TCEA1: variants seen among roughly 807,000 people sequenced by gnomAD.
TCEA1 encodes the protein transcription elongation factor A1.
Under a neutral mutation model 43.8 loss-of-function variants are expected in TCEA1, and 21 were observed. The ratio of observed to expected loss-of-function variants is 0.48; its 90% CI spans 0.34 to 0.69. The LOEUF (loss-of-function observed/expected upper bound fraction) is 0.69, where lower values mean the gene tolerates loss of function less well. TCEA1 is among the 30% of genes least tolerant of loss of function. The probability of loss-of-function intolerance (pLI) is 0.01; values close to 1 mark genes in which losing one functional copy is unlikely to be tolerated. For missense variants in TCEA1, 250 were observed against 365.1 expected (o/e 0.68, Z 2.57); for synonymous variants, 104 against 117.5 (o/e 0.88, Z 0.75).
intron 7 of TCEA1, among the ~76,000 whole-genome samples, chr8:53,982,613 CAAAAA>C (rs558788906): frequency 0.012 from 670 of 57,806 alleles, 5 homozygotes; most frequent in African/African-American, 0.034. Flanking sequence ...CATTCCCCAC[CAAAAA>C]AAAAAAAAAA....
chr8:54,004,808 A>C (rs1347959313), intron 2 of TCEA1, among the ~76,000 whole-genome samples: 1 of 151,682 alleles, frequency 6.6e-6, no homozygotes, highest in Non-Finnish European at 1.5e-5. Flanking sequence ...ACATACAGCT[A>C]CGTTTACTAT....
chr8:53,977,405 C>T (rs572276724), intron 8 of TCEA1, among the ~76,000 whole-genome samples: 16 of 152,250 alleles, frequency 1.1e-4, no homozygotes, highest in African/African-American at 3.9e-4. Flanking sequence ...GCTTTACTTT[C>T]AGGGAGGGAG....
chr8:53,993,899 T>C lies in TCEA1; in HGVS notation c.233-144A>G, dbSNP rs1678159165. 3 of 655,132 alleles carry C rather than the reference T, an allele frequency of 4.6e-6. No individual in the cohort carries two copies. In the East Asian group the frequency reaches 7.8e-5, roughly 17 times the overall value. 40.6% of individuals were successfully genotyped at this position (655,132 alleles called of 1,614,324 possible). On this transcript the variant is annotated intron_variant, in intron 3 of 9. Transcript: ENST00000521604. The stretch of plus-strand genomic sequence containing the variant: ...GAAGTTTGCATAAGCTATTAGCATA[T>C]GTACTATTTTTCACAATGCAAGTTC...
intron 2 of TCEA1, chr8:54,009,733 G>A (rs975120860): frequency 6.6e-6 from 1 of 152,182 alleles, no homozygotes; most frequent in Non-Finnish European, 1.5e-5. Flanking sequence ...TTAGATAGAA[G>A]GAATAAGTTC....
At chr8:54,008,498 A>T (rs1334612526) in intron 2 of TCEA1, among the ~76,000 whole-genome samples, 2 of 152,038 alleles carry the variant, frequency 1.3e-5, no homozygotes, top group Non-Finnish European at 2.9e-5. Flanking sequence ...AAATTTTTTT[A>T]ATTAGCCAAG....
chr8:53,976,630 T>C (rs867090355), intron 8 of TCEA1, among the ~76,000 whole-genome samples: 13 of 152,234 alleles, frequency 8.5e-5, no homozygotes, highest in Admixed American at 2.0e-4. Flanking sequence ...TAGCTATTTA[T>C]AATTTGATTA....
At position 53,984,387 on chromosome 8, in the gene TCEA1, G is replaced by A. The variant is rs575259192; in HGVS notation, c.654C>T (p.Asp218=). The change falls in exon 7 of 10, where the codon GAC becomes GAT. Residue 218 remains aspartate (D), a synonymous_variant. Coordinates refer to ENST00000521604, the MANE Select transcript of TCEA1 (RefSeq NM_006756.4). The stretch of plus-strand genomic sequence containing the variant: ...CCTCTGCTGTCATTCTAGCAAATAA[G>A]TCAGGAGGAATATTCCCACAGAGGA... ...KNVLCGNIPP[D]LFARMTAEEM... 1 of 1,601,218 alleles carries A rather than the reference G, an allele frequency of 6.2e-7. No homozygotes were observed. The highest frequency in any genetic ancestry group is 8.5e-7 in the Non-Finnish European group (1 of 1,175,874).
intron 9 of TCEA1, 164 bp downstream of exon 9, chr8:53,970,228 A>G (rs1803114654): frequency 1.5e-6 from 1 of 683,148 alleles, no homozygotes; most frequent in Admixed American, 2.5e-5. Flanking sequence ...CTAGTAGGGT[A>G]ACAAGATGGT....
At chr8:54,020,467 GC>G (rs1804984921) in intron 1 of TCEA1, among the ~76,000 whole-genome samples, 2 of 151,786 alleles carry the variant, frequency 1.3e-5, no homozygotes, top group South Asian at 4.2e-4. Context: ...GAAATACGAG[GC>G]AATGCACCTG....
At chr8:54,016,978 C>CAAAAA (rs1159105172) in intron 1 of TCEA1, among the ~76,000 whole-genome samples, 6 of 67,400 alleles carry the variant, frequency 8.9e-5, no homozygotes, top group East Asian at 4.0e-4. Flanking sequence ...GACTCCGTCT[C>CAAAAA]AAAAAAAAAA....
chr8:53,997,519 A>C (rs1804099047), intron 3 of TCEA1, among the ~76,000 whole-genome samples: 1 of 152,218 alleles, frequency 6.6e-6, no homozygotes, highest in Non-Finnish European at 1.5e-5. Flanking sequence ...TAACATGCTT[A>C]AACAGTATTC....
At chr8:54,007,318 T>C (rs193107430) in intron 2 of TCEA1, among the ~76,000 whole-genome samples, 26 of 152,282 alleles carry the variant, frequency 1.7e-4, no homozygotes, top group African/African-American at 5.3e-4. Flanking sequence ...AAGATAGTAA[T>C]GTTCATGCTC....
At chr8:53,979,303 A>T in intron 7 of TCEA1, 132 bp from the exon 8 acceptor site, 1 of 1,034,448 alleles carries the variant, frequency 9.7e-7, no homozygotes, top group Non-Finnish European at 1.3e-6. Flanking sequence ...CATTAAATTA[A>T]TATTTTTCCT....
Position 53,968,117 on chromosome 8 carries a change from C to CA in TCEA1, c.898-6dup, listed in dbSNP as rs1403849153. On this transcript the variant is annotated splice_region_variant and splice_polypyrimidine_tract_variant and intron_variant, in intron 9 of 9. Coordinates refer to ENST00000521604, the MANE Select transcript of TCEA1 (RefSeq NM_006756.4). ...AATTCTTCCAACTCAACAGAACTGT[C>CA]AAAAAAGAAAAAATATTTTGTAAGA... 2.0e-6 allele frequency: 3 copies of CA among 1,521,058 alleles called. No individual in the cohort carries two copies. The highest frequency in any genetic ancestry group is 2.4e-5 in the East Asian group (1 of 41,200). 94.2% of individuals were successfully genotyped at this position (1,521,058 alleles called of 1,614,324 possible).
intron 4 of TCEA1, among the ~76,000 whole-genome samples, chr8:53,990,793 G>A (rs1312847870): frequency 6.6e-6 from 1 of 152,166 alleles, no homozygotes; most frequent in Non-Finnish European, 1.5e-5. Context: ...TTTCACTACT[G>A]CTGGTCCCAC....
intron 2 of TCEA1, among the ~76,000 whole-genome samples, chr8:54,003,422 AAAG>A (rs1217528810): frequency 1.2e-4 from 19 of 152,210 alleles, no homozygotes; most frequent in Non-Finnish European, 1.8e-4. Flanking sequence ...CAATCTTGAA[AAAG>A]AAGAACAAAG....
intron 4 of TCEA1, 117 bp from the exon 5 acceptor site, chr8:53,988,376 A>C: frequency 8.8e-6 from 11 of 1,255,258 alleles, no homozygotes; most frequent in South Asian, 1.7e-5. Flanking sequence ...ACAGTATCTC[A>C]GTGACCTTTA....
In TCEA1 at chr8:53,984,690, C is replaced by T. The variant is rs191121709; in HGVS notation, c.524-173G>A. ...CGAGGTCAGGAGATCGAGACCATCC[C>T]GGCTAACATGATGAAACCCCGTCTC... On this transcript the variant is annotated intron_variant, in intron 6 of 9. Transcript: ENST00000521604. Among the ~76,000 whole-genome samples the T allele has an allele frequency of 4.4e-3, 674 of 151,830 alleles. 4 individuals are homozygous for T. Among genetic ancestry groups the T allele is most frequent in the African/African-American group, 0.014 (598 of 41,404 alleles).
At chr8:54,015,251 C>T (rs1302028507) in intron 1 of TCEA1, among the ~76,000 whole-genome samples, 1 of 151,732 alleles carries the variant, frequency 6.6e-6, no homozygotes, top group Non-Finnish European at 1.5e-5. Context: ...TTCGCTGCAA[C>T]CTCTACCTCC....
Sources: allele counts gnomAD v4.1 joint callset (sites outside exome capture counted in the v4.1 genomes callset), GRCh38; gene constraint gnomAD v4.1.1; transcripts MANE v1.5; gene names NCBI Gene and HGNC (gene_info 2026-07-23, HGNC 2026-07-21).